Variants in CENPE observed in about 807,000 individuals in gnomAD.
CENPE encodes the protein centromere protein E.
Under a neutral mutation model 336.1 loss-of-function variants are expected in CENPE, and 145 were observed. The observed-to-expected ratio is 0.43, with a 90% CI of 0.38 to 0.50. The LOEUF (loss-of-function observed/expected upper bound fraction) is 0.50. Among genes scored for constraint, CENPE ranks in the 20% least tolerant of loss-of-function variants. The pLI, the probability that CENPE is intolerant of heterozygous loss-of-function variation, is 0.00. For synonymous variants in CENPE, 1,013 were observed against 984.8 expected (o/e 1.03, Z -0.54); for missense variants, 2,719 against 3,023.3 (o/e 0.90, Z 2.36).
rs1055100734 is a variant in CENPE at position 103,179,533 on chromosome 4, A to G, written c.1242+778T>C. ...AACCAATAGTTCTTGATTGTCTTCT[A>G]TATACCTCTGTACATAATGCTTATT... On this transcript the variant is annotated intron_variant, in intron 13 of 48. Transcript: ENST00000265148. Among the ~76,000 whole-genome samples the G allele has an allele frequency of 4.6e-5, 7 of 152,210 alleles. No individual in the cohort carries two copies. In the South Asian group the frequency reaches 1.2e-3, roughly 27 times the overall value.
Position 103,134,172 on chromosome 4 carries a change from G to C in CENPE, c.6523-280C>G, listed in dbSNP as rs148344229. 1.1e-4 allele frequency among the ~76,000 whole-genome samples: 17 copies of C among 152,206 alleles called. No individual in the cohort carries two copies. The East Asian group carries it at 3.1e-3, about 28-fold the overall frequency. On this transcript the variant is annotated intron_variant, in intron 40 of 48. Transcript: ENST00000265148. Reference sequence around the variant, plus strand: ...ACTTCAAATTCAACATGTTTAAAACGTAACATGATCCCTTTCTCTACAAGT... The same window carrying C: ...ACTTCAAATTCAACATGTTTAAAACCTAACATGATCCCTTTCTCTACAAGT...
intron 42 of CENPE, among the ~76,000 whole-genome samples, chr4:103,129,407 A>T (rs1320459793): frequency 6.6e-6 from 1 of 152,186 alleles, no homozygotes; most frequent in African/African-American, 2.4e-5. Context: ...AGATGATGAC[A>T]TTATACAAGA....
chr4:103,132,313 C>T (rs1386148128), intron 42 of CENPE, among the ~76,000 whole-genome samples: 2 of 152,218 alleles, frequency 1.3e-5, no homozygotes, highest in East Asian at 1.9e-4. Flanking sequence ...AGTAGCTGGC[C>T]AGGCTTGTCT....
intron 40 of CENPE, among the ~76,000 whole-genome samples, chr4:103,134,880 C>A (rs1480638477): frequency 6.6e-6 from 1 of 152,162 alleles, no homozygotes; most frequent in Non-Finnish European, 1.5e-5. Context: ...TGGTCTCTTC[C>A]TTAACTACCC....
chr4:103,161,682 C>T (rs1380098003), intron 18 of CENPE, among the ~76,000 whole-genome samples: 1 of 151,990 alleles, frequency 6.6e-6, no homozygotes, highest in Non-Finnish European at 1.5e-5. Context: ...ATTATATAAG[C>T]AATGTATCAT....
intron 42 of CENPE, among the ~76,000 whole-genome samples, chr4:103,128,794 T>C (rs1194443340): frequency 6.6e-6 from 1 of 151,882 alleles, no homozygotes; most frequent in East Asian, 1.9e-4. Context: ...TAAAAACCAA[T>C]AAATGAGGCT....
At chr4:103,150,281 A>T (rs982353761) in intron 26 of CENPE, among the ~76,000 whole-genome samples, 2 of 152,076 alleles carry the variant, frequency 1.3e-5, no homozygotes, top group African/African-American at 2.4e-5. Flanking sequence ...AAAAGAAAAC[A>T]CATATTAAGA....
In CENPE at chr4:103,185,797, G is replaced by T; in HGVS notation, c.745+13C>A. On this transcript the variant is annotated intron_variant, in intron 9 of 48. Coordinates refer to ENST00000265148, the MANE Select transcript of CENPE (RefSeq NM_001813.3). ...AGACATTAAGACTAACATATTTCAT[G>T]AGTTTTAATTACCTGCAGCGCCTGT... 6.3e-7 allele frequency: 1 copy of T among 1,591,748 alleles called. No individual in the cohort carries two copies. Among genetic ancestry groups the T allele is most frequent in the Non-Finnish European group, 8.6e-7 (1 of 1,165,098 alleles).
Position 103,116,688 on chromosome 4 carries a change from TC to T in CENPE, c.7330del (p.Asp2444ThrfsTer5). The T allele has an allele frequency of 6.5e-7, 1 of 1,527,390 alleles. No individual in the cohort carries two copies. Among genetic ancestry groups the T allele is most frequent in the Non-Finnish European group, 8.8e-7 (1 of 1,130,126 alleles). 94.6% of individuals were successfully genotyped at this position (1,527,390 alleles called of 1,614,324 possible). A position where few individuals can be genotyped will look rare whatever the true frequency, so the allele number is the denominator to read the frequency against. On this transcript the variant is annotated frameshift_variant and splice_region_variant, in exon 45 of 49. Transcript: ENST00000265148. LOFTEE classifies it high-confidence loss of function. ...TGGCTTAGCTCCTAAAGCAACTTTGTCCTAAATTTTTTTTAGAGAAAATAAA... is the reference window on the plus strand; with the variant it reads ...TGGCTTAGCTCCTAAAGCAACTTTGTCTAAATTTTTTTTAGAGAAAATAAA... ...KTKETIQVLQ[D>X]KVALGAKPYK...
chr4:103,161,321 C>T lies in CENPE; in HGVS notation c.1965+14G>A. ...TACAACTACTTTATTATAAATATTA[C>T]AAAAAATACTTACCATTTTCTCCTT... On this transcript the variant is annotated intron_variant, in intron 19 of 48. Transcript: ENST00000265148. 1 of 1,605,714 alleles carries T rather than the reference C, an allele frequency of 6.2e-7. No individual in the cohort carries two copies. The highest frequency in any genetic ancestry group is 1.3e-5 in the African/African-American group (1 of 74,392).
At chr4:103,160,505 C>T (rs377575815) in intron 21 of CENPE, 120 bp downstream of exon 21, 32 of 727,588 alleles carry the variant, frequency 4.4e-5, no homozygotes, top group Non-Finnish European at 5.9e-5. Flanking sequence ...CTAGTCAAAA[C>T]GTTTACAGTA....
intron 25 of CENPE, among the ~76,000 whole-genome samples, chr4:103,151,764 C>A (rs148424402): frequency 6.6e-6 from 1 of 152,136 alleles, no homozygotes; most frequent in African/African-American, 2.4e-5. Flanking sequence ...TCACTGCCAG[C>A]GAGCTCAAAA....
chr4:103,113,507 ATAT>A (rs1241967767), intron 46 of CENPE, among the ~76,000 whole-genome samples: 12 of 140,808 alleles, frequency 8.5e-5, no homozygotes, highest in Admixed American at 2.2e-4. Flanking sequence ...ATACTTATAT[ATAT>A]TATAATATAT....
rs6837114 is a variant in CENPE at position 103,197,066 on chromosome 4, C to T, written c.57-216G>A. The stretch of plus-strand genomic sequence containing the variant: ...TCTTGTGAAGGCTTTCATTCTCACC[C>T]TCTCCCCCAGTACTGGTAAACAAAG... On this transcript the variant is annotated intron_variant, in intron 1 of 48. Coordinates refer to ENST00000265148, the MANE Select transcript of CENPE (RefSeq NM_001813.3). Among the ~76,000 whole-genome samples the T allele has an allele frequency of 0.17, 25,598 of 152,204 alleles. 2,281 individuals are homozygous for T. Among genetic ancestry groups the T allele is most frequent in the South Asian group, 0.31 (1,482 of 4,812 alleles).
Position 103,143,262 on chromosome 4 carries a change from C to A in CENPE, c.5290G>T (p.Ala1764Ser). 1 of 1,589,574 alleles carries A rather than the reference C, an allele frequency of 6.3e-7. No homozygotes were observed. The highest frequency in any genetic ancestry group is 8.5e-7 in the Non-Finnish European group (1 of 1,170,442). Residue 1764 changes from alanine to serine, a missense_variant, in exon 34 of 49, where the codon GCC becomes TCC. Coordinates refer to ENST00000265148, the MANE Select transcript of CENPE (RefSeq NM_001813.3). Reference protein sequence around the residue: ...MQKDLEHSNDALKAQDLKIQE... With the variant: ...MQKDLEHSNDSLKAQDLKIQE... ...AAATAAAATACCTGTGCTTTTAAGG[C>A]ATCATTTGAGTGTTCTAAGTCCTTT...
chr4:103,173,805 C>A (rs1005911743), intron 16 of CENPE, among the ~76,000 whole-genome samples: 1 of 151,902 alleles, frequency 6.6e-6, no homozygotes, highest in Non-Finnish European at 1.5e-5. Flanking sequence ...AAATGCAAAT[C>A]AAAACCACAG....
chr4:103,153,172 T>G lies in CENPE; in HGVS notation c.3112A>C (p.Ile1038Leu), dbSNP rs1401153678. The change falls in exon 25 of 49, where the codon ATA becomes CTA. Residue 1038 changes from isoleucine (I) to leucine (L), a missense_variant. Ile to Leu is a conservative substitution (Grantham distance 5). Around this residue, in one of 5 missense-constraint regions of CENPE, gnomAD observed 2,437 missense variants for 2,513.3 expected, o/e 0.97. Transcript: ENST00000265148. The stretch of plus-strand genomic sequence containing the variant: ...AATATCTTCCTTTGTTGCTCAATTA[T>G]CTCATTATCCTTAACATCTGCAGTT... ...TLTADVKDNE[I>L]IEQQRKIFSL... 1.9e-6 allele frequency: 3 copies of G among 1,612,970 alleles called. No homozygotes were observed. Among genetic ancestry groups the G allele is most frequent in the East Asian group, 4.5e-5 (2 of 44,784 alleles).
Position 103,198,278 on chromosome 4 carries a change from C to T in CENPE, c.42G>A (p.Arg14=). 1.3e-6 allele frequency: 2 copies of T among 1,550,752 alleles called. No individual in the cohort carries two copies. The highest frequency in any genetic ancestry group is 1.7e-6 in the Non-Finnish European group (2 of 1,146,868). Residue 14 remains arginine, a synonymous_variant, in exon 1 of 49, where the codon CGG becomes CGA. Coordinates refer to ENST00000265148, the MANE Select transcript of CENPE (RefSeq NM_001813.3). ...GGCCCCCCTACCTGCTGTTCAGCGG[C>T]CGCACTCGCACGCAGACGGCCACGG... The part of the protein sequence containing the change: ...EGAVAVCVRV[R]PLNSREESLG...
chr4:103,107,120 G>A lies in CENPE; in HGVS notation c.8012-804C>T, dbSNP rs1748964817. Reference sequence around the variant, plus strand: ...TACAGCTGGGTGTGGTAGCTAGCATGCACCTGTAGTCCTTGATGCTTAGGA... The same window carrying A: ...TACAGCTGGGTGTGGTAGCTAGCATACACCTGTAGTCCTTGATGCTTAGGA... On this transcript the variant is annotated intron_variant, in intron 48 of 48. Coordinates refer to ENST00000265148, the MANE Select transcript of CENPE (RefSeq NM_001813.3). 2.6e-5 allele frequency among the ~76,000 whole-genome samples: 4 copies of A among 152,194 alleles called. No individual in the cohort carries two copies. The South Asian group carries it at 8.3e-4, about 31-fold the overall frequency.
Sources: gnomAD v4.1 joint callset for allele counts (sites outside exome capture counted in the v4.1 genomes callset) on GRCh38, gnomAD v4.1.1 for gene constraint, gnomAD v4.1.1 regional missense constraint, MANE v1.5 for transcripts, NCBI Gene and HGNC (gene_info 2026-07-23, HGNC 2026-07-21) for gene names.